SPIDR: variants seen among roughly 807,000 people sequenced by gnomAD.
SPIDR encodes DNA repair-scaffolding protein.
In SPIDR, 93 loss-of-function variants were observed where a neutral mutation model predicts 104.6. That is an observed-to-expected ratio of 0.89 (90% confidence interval 0.75 to 1.06). The LOEUF is 1.06. SPIDR is among the 50% of genes least tolerant of loss of function. The pLI is 0.00. For synonymous variants in SPIDR, 431 were observed against 416.9 expected (o/e 1.03, Z -0.41); for missense variants, 1,154 against 1,111.2 (o/e 1.04, Z -0.55).
intron 5 of SPIDR, among the ~76,000 whole-genome samples, chr8:47,381,318 C>T (rs952987898): frequency 3.3e-5 from 5 of 152,176 alleles, no homozygotes; most frequent in African/African-American, 1.2e-4. Context: ...TGTCAGCCAC[C>T]AGTACTCTTT....
chr8:47,731,991 C>G, intron 19 of SPIDR: 1 of 604,980 alleles, frequency 1.7e-6, no homozygotes, highest in East Asian at 2.8e-5. Context: ...TGGCACACAG[C>G]TCTCCAGCTG....
At chr8:47,261,602 TCTTCTAA>T (rs2032338199) in intron 1 of SPIDR, among the ~76,000 whole-genome samples, 1 of 152,258 alleles carries the variant, frequency 6.6e-6, no homozygotes, top group Non-Finnish European at 1.5e-5. Context: ...TTTTAAAGTT[TCTTCTAA>T]CTTCCTTGCT....
intron 7 of SPIDR, among the ~76,000 whole-genome samples, chr8:47,434,489 A>G (rs1303038648): frequency 6.6e-6 from 1 of 152,214 alleles, no homozygotes; most frequent in African/African-American, 2.4e-5. Context: ...ATAAAGAGAG[A>G]CAGAGCGATA....
At chr8:47,662,062 A>G (rs1588954086) in intron 10 of SPIDR, among the ~76,000 whole-genome samples, 1 of 151,832 alleles carries the variant, frequency 6.6e-6, no homozygotes, top group African/African-American at 2.4e-5. Flanking sequence ...GCTGCTCTTC[A>G]CTCTCCACAC....
At chr8:47,665,916 G>A (rs895427806) in intron 10 of SPIDR, among the ~76,000 whole-genome samples, 44 of 152,144 alleles carry the variant, frequency 2.9e-4, no homozygotes, top group African/African-American at 1.0e-3. Flanking sequence ...TATTAGTGTT[G>A]GATAAAACAT....
At chr8:47,706,312 G>A (rs1056788692) in intron 14 of SPIDR, among the ~76,000 whole-genome samples, 1 of 152,106 alleles carries the variant, frequency 6.6e-6, no homozygotes, top group African/African-American at 2.4e-5. Flanking sequence ...AGAATGGTGT[G>A]AACCTGGGAG....
chr8:47,584,573 C>A (rs1178865016), intron 8 of SPIDR, among the ~76,000 whole-genome samples: 3 of 152,088 alleles, frequency 2.0e-5, no homozygotes, highest in Admixed American at 6.5e-5. Context: ...GAAGAATGGC[C>A]TTAACACCTT....
At chr8:47,624,386 C>T (rs1283768926) in intron 10 of SPIDR, among the ~76,000 whole-genome samples, 1 of 152,086 alleles carries the variant, frequency 6.6e-6, no homozygotes, top group Non-Finnish European at 1.5e-5. Flanking sequence ...TAACTAAGAT[C>T]AGAGCAGAAC....
chr8:47,389,023 C>A lies in SPIDR; in HGVS notation c.526-7353C>A, dbSNP rs182657987. ...TATTTACTCACTAAATCAGAAGACT[C>A]CTCCTCCCAAACTTGCTTACATCAA... On this transcript the variant is annotated intron_variant, in intron 5 of 19. Transcript: ENST00000297423. Among the ~76,000 whole-genome samples, 10 of 152,262 alleles carry A rather than the reference C, an allele frequency of 6.6e-5. No individual in the cohort carries two copies. In the East Asian group the frequency reaches 1.5e-3, roughly 24 times the overall value.
chr8:47,720,709 ATG>A (rs1320573185), intron 16 of SPIDR, among the ~76,000 whole-genome samples: 1 of 151,076 alleles, frequency 6.6e-6, no homozygotes, highest in Non-Finnish European at 1.5e-5. Context: ...CCTTGATCAG[ATG>A]TGTCTTTTGC....
At chr8:47,406,971 A>T (rs1239837090) in intron 6 of SPIDR, among the ~76,000 whole-genome samples, 2 of 152,250 alleles carry the variant, frequency 1.3e-5, no homozygotes, top group Non-Finnish European at 2.9e-5. Flanking sequence ...CTTATGAGAT[A>T]ATACATTGAT....
intron 10 of SPIDR, among the ~76,000 whole-genome samples, chr8:47,648,003 A>G (rs1295623344): frequency 6.6e-6 from 1 of 152,218 alleles, no homozygotes; most frequent in African/African-American, 2.4e-5. Flanking sequence ...GAGGAGGTCT[A>G]GAAAGCCATG....
intron 18 of SPIDR, 147 bp downstream of exon 18, chr8:47,729,194 T>C: frequency 2.0e-6 from 3 of 1,514,396 alleles, no homozygotes; most frequent in Non-Finnish European, 2.7e-6. Context: ...GAACTCCCTC[T>C]AGGTCCTAGG....
intron 16 of SPIDR, among the ~76,000 whole-genome samples, chr8:47,723,926 A>G (rs1333509635): frequency 6.6e-6 from 1 of 151,324 alleles, no homozygotes. Flanking sequence ...TCACTTACTC[A>G]AAAGGTATAA....
chr8:47,670,775 T>A (rs1014256197), intron 10 of SPIDR, among the ~76,000 whole-genome samples: 2 of 152,248 alleles, frequency 1.3e-5, no homozygotes, highest in African/African-American at 4.8e-5. Context: ...TCTACACCTT[T>A]AATATTATTA....
chr8:47,299,118 C>T (rs1288297345), intron 5 of SPIDR, among the ~76,000 whole-genome samples: 1 of 152,274 alleles, frequency 6.6e-6, no homozygotes, highest in South Asian at 2.1e-4. Flanking sequence ...TTTGTATCCT[C>T]TTTTATTTCA....
chr8:47,706,095 A>G (rs923347461), intron 14 of SPIDR, among the ~76,000 whole-genome samples: 6 of 152,060 alleles, frequency 3.9e-5, no homozygotes, highest in Non-Finnish European at 5.9e-5. Flanking sequence ...CAGTAACCAC[A>G]GTAAAAACCA....
intron 8 of SPIDR, among the ~76,000 whole-genome samples, chr8:47,576,426 C>T (rs933069711): frequency 2.0e-5 from 3 of 152,194 alleles, no homozygotes; most frequent in Non-Finnish European, 2.9e-5. Flanking sequence ...GCTGGGATTA[C>T]AGGCATGAGC....
chr8:47,731,418 G>A (rs2085215679), intron 19 of SPIDR, among the ~76,000 whole-genome samples: 1 of 152,238 alleles, frequency 6.6e-6, no homozygotes, highest in Non-Finnish European at 1.5e-5. Context: ...GTGTTCCCCA[G>A]TGGTGCAAAA....
Sources: allele counts gnomAD v4.1 joint callset (sites outside exome capture counted in the v4.1 genomes callset), GRCh38; gene constraint gnomAD v4.1.1; transcripts MANE v1.5; gene names NCBI Gene and HGNC (gene_info 2026-07-23, HGNC 2026-07-21).